Variants in CSMD3 observed in about 807,000 individuals in gnomAD.
CSMD3 encodes CUB and sushi domain-containing protein 3.
CSMD3 carries 177 observed loss-of-function variants against 435.2 expected under a neutral mutation model. That is an observed-to-expected ratio of 0.41 (90% CI 0.36 to 0.46). The LOEUF is 0.46. Among genes scored for constraint, CSMD3 ranks in the 20% least tolerant of loss-of-function variants. CSMD3 has a pLI of 0.34. For missense variants in CSMD3, 4,265 were observed against 4,504.6 expected (o/e 0.95, Z 1.52); for synonymous variants, 1,656 against 1,520.5 (o/e 1.09, Z -2.07).
intron 38 of CSMD3, among the ~76,000 whole-genome samples, chr8:112,355,622 A>G (rs7838254): frequency 0.39 from 59,430 of 151,892 alleles, 13,230 homozygotes; most frequent in Middle Eastern, 0.53. Context: ...TCACGAGGTT[A>G]GGAGATTGAG....
chr8:112,836,344 T>G (rs2132509710), intron 11 of CSMD3, among the ~76,000 whole-genome samples: 1 of 151,926 alleles, frequency 6.6e-6, no homozygotes, highest in Admixed American at 6.6e-5. Context: ...CCCTTGACCT[T>G]TTCTTCTCAA....
chr8:113,349,701 G>T (rs966186953), intron 1 of CSMD3, among the ~76,000 whole-genome samples: 3 of 151,892 alleles, frequency 2.0e-5, no homozygotes, highest in African/African-American at 7.3e-5. Flanking sequence ...AAACATCTAC[G>T]TGTTATCATG....
At chr8:113,312,849 T>C (rs1467021520) in intron 2 of CSMD3, 1 of 152,138 alleles carries the variant, frequency 6.6e-6, no homozygotes, top group African/African-American at 2.4e-5. Flanking sequence ...AGATGATTAT[T>C]GTATGAGTTA....
chr8:112,819,339 TGGTCTCTG>T (rs933934116), intron 12 of CSMD3, among the ~76,000 whole-genome samples: 4 of 152,178 alleles, frequency 2.6e-5, no homozygotes, highest in Non-Finnish European at 5.9e-5. Context: ...GGTGGCCAAT[TGGTCTCTG>T]GGTCTGGCAG....
At chr8:113,154,613 A>G (rs1378552018) in intron 4 of CSMD3, among the ~76,000 whole-genome samples, 1 of 152,068 alleles carries the variant, frequency 6.6e-6, no homozygotes, top group Non-Finnish European at 1.5e-5. Context: ...TAGAAGAATG[A>G]ATATAGTGAA....
At chr8:113,394,907 A>T (rs1478780122) in intron 1 of CSMD3, among the ~76,000 whole-genome samples, 1 of 152,186 alleles carries the variant, frequency 6.6e-6, no homozygotes, top group Admixed American at 6.5e-5. Context: ...TTTGTCCTAG[A>T]GGACGACTGA....
intron 22 of CSMD3, among the ~76,000 whole-genome samples, chr8:112,621,324 C>T (rs1481020563): frequency 6.6e-6 from 1 of 152,046 alleles, no homozygotes; most frequent in Admixed American, 6.6e-5. Context: ...CGTATACAGA[C>T]ATCCTCTGGC....
Position 112,506,769 on chromosome 8 carries a change from T to C in CSMD3, c.4817A>G (p.His1606Arg), listed in dbSNP as rs1434668853. ...SGFILSPNFP[H>R]PYPHSRDCDW... is the part of the protein sequence containing the mutation. ...ACAGTCTCTGCTATGCGGATATGGATGAGGGAAGTTTGGTGAAAGAATAAA... is the reference window on the plus strand; with the variant it reads ...ACAGTCTCTGCTATGCGGATATGGACGAGGGAAGTTTGGTGAAAGAATAAA... Residue 1606 changes from histidine to arginine, a missense_variant, in exon 29 of 71, where the codon CAT becomes CGT. Transcript: ENST00000297405. 4.3e-6 allele frequency: 7 copies of C among 1,613,488 alleles called. No homozygotes were observed. The highest frequency in any genetic ancestry group is 5.1e-6 in the Non-Finnish European group (6 of 1,179,584).
In CSMD3 at chr8:112,518,834, TG is replaced by T. The variant is rs551730669; in HGVS notation, c.4565-1610del. ...AGTTCTGTAGGCTTAGTAGGAAGCA[TG>T]GCTAGGAGGCCTCAGGAAACTTACA... On this transcript the variant is annotated intron_variant, in intron 27 of 70. Coordinates refer to ENST00000297405, the MANE Select transcript of CSMD3 (RefSeq NM_198123.2). Among the ~76,000 whole-genome samples, 10 of 152,170 alleles carry T rather than the reference TG, an allele frequency of 6.6e-5. No individual in the cohort carries two copies. The South Asian group carries it at 1.5e-3, about 22-fold the overall frequency.
intron 1 of CSMD3, among the ~76,000 whole-genome samples, chr8:113,331,321 C>T (rs762916867): frequency 6.6e-6 from 1 of 150,900 alleles, no homozygotes; most frequent in Admixed American, 6.6e-5. Context: ...AAAGAAAATC[C>T]TAGGCCCAAA....
At chr8:112,598,745 C>T (rs569145127) in intron 22 of CSMD3, among the ~76,000 whole-genome samples, 1,618 of 150,844 alleles carry the variant, frequency 0.011, 31 homozygotes, top group African/African-American at 0.038. Flanking sequence ...CTTTGACAAA[C>T]CTGAGAAAAA....
At chr8:112,336,968 T>A in intron 43 of CSMD3, 139 bp from the exon 44 acceptor site, 1 of 746,164 alleles carries the variant, frequency 1.3e-6, no homozygotes. Flanking sequence ...GAGGTATGTA[T>A]AATGAAGTTG....
intron 10 of CSMD3, among the ~76,000 whole-genome samples, chr8:112,904,978 G>A (rs2082216752): frequency 6.6e-6 from 1 of 151,338 alleles, no homozygotes; most frequent in African/African-American, 2.4e-5. Context: ...TGTTGATAAT[G>A]ATCTTAATTA....
chr8:113,075,696 C>T (rs972561829), intron 5 of CSMD3, among the ~76,000 whole-genome samples: 1 of 151,642 alleles, frequency 6.6e-6, no homozygotes. Flanking sequence ...TTCAGGGTAA[C>T]TATTCTGTCT....
intron 2 of CSMD3, among the ~76,000 whole-genome samples, chr8:113,288,851 T>C (rs2093664380): frequency 6.6e-6 from 1 of 151,876 alleles, no homozygotes; most frequent in African/African-American, 2.4e-5. Context: ...ATGAGGTAAA[T>C]ACTAGGAATT....
Position 113,153,561 on chromosome 8 carries a change from A to T in CSMD3, c.709+20161T>A, listed in dbSNP as rs537580024. 5.9e-5 allele frequency among the ~76,000 whole-genome samples: 9 copies of T among 152,186 alleles called. No individual in the cohort carries two copies. The South Asian group carries it at 1.5e-3, about 25-fold the overall frequency. ...GTTTGGCAACAAATGATTCAGAGGC[A>T]ATCTGAATCACTAGATGGAATTTAA... On this transcript the variant is annotated intron_variant, in intron 4 of 70. Transcript: ENST00000297405.
chr8:112,289,879 G>A (rs1819593416), intron 56 of CSMD3, among the ~76,000 whole-genome samples: 1 of 152,100 alleles, frequency 6.6e-6, no homozygotes, highest in Admixed American at 6.6e-5. Flanking sequence ...AACTGTATCT[G>A]TTCCTGGTAA....
At chr8:112,520,416 C>T (rs924445952) in intron 27 of CSMD3, among the ~76,000 whole-genome samples, 1 of 151,978 alleles carries the variant, frequency 6.6e-6, no homozygotes, top group East Asian at 1.9e-4. Flanking sequence ...ACCAGCAGGG[C>T]TCTTAACCAT....
chr8:113,021,697 T>C (rs2086690570), intron 5 of CSMD3, among the ~76,000 whole-genome samples: 1 of 152,146 alleles, frequency 6.6e-6, no homozygotes, highest in Non-Finnish European at 1.5e-5. Flanking sequence ...ATTTCAGTAA[T>C]AGAGTACAGT....
Sources: allele counts gnomAD v4.1 joint callset (sites outside exome capture counted in the v4.1 genomes callset), GRCh38; gene constraint gnomAD v4.1.1; transcripts MANE v1.5; gene names NCBI Gene and HGNC (gene_info 2026-07-23, HGNC 2026-07-21).